The following FAXDC2 variants were observed in gnomAD, a reference collection of about 807,000 sequenced individuals.
The protein encoded by FAXDC2 is fatty acid hydroxylase domain containing 2.
In FAXDC2, 41 loss-of-function variants were observed where a neutral mutation model predicts 40.9. The ratio of observed to expected loss-of-function variants is 1.00; its 90% CI spans 0.78 to 1.30. The LOEUF (loss-of-function observed/expected upper bound fraction) is 1.30. FAXDC2 is among the 50% of genes most tolerant of loss of function. FAXDC2 has a pLI of 0.00. For missense variants in FAXDC2, 390 were observed against 408.8 expected (o/e 0.95, Z 0.40); for synonymous variants, 157 against 149.3 (o/e 1.05, Z -0.38).
rs1759848951 is a variant in FAXDC2 at position 154,820,297 on chromosome 5, A to G, written c.*19T>C. On this transcript the variant is annotated 3_prime_UTR_variant, in exon 9 of 9. Transcript: ENST00000326080. ...ATCCCATGGCTGAGGGACAGCCAGG[A>G]TGACACTTAGGCTGTCTCTCACTCC... The G allele has an allele frequency of 6.3e-7, 1 of 1,582,910 alleles. No homozygotes were observed. The highest frequency in any genetic ancestry group is 1.3e-5 in the African/African-American group (1 of 74,212).
At position 154,835,365 on chromosome 5, in the gene FAXDC2, A is replaced by C. The variant is rs565161533; in HGVS notation, c.49-431T>G. ...TCCCCTCCAATCCAATTACATAAAG[A>C]GTCCCTGGGGGTGGGACCTGGGCTC... On this transcript the variant is annotated intron_variant, in intron 2 of 8. Coordinates refer to ENST00000326080, the MANE Select transcript of FAXDC2 (RefSeq NM_032385.5). The C allele has an allele frequency of 2.6e-4, 44 of 170,392 alleles. No homozygotes were observed. The South Asian group carries it at 6.6e-3, about 26-fold the overall frequency. The allele number at this position is 170,392 out of a possible 1,614,324, so 10.6% of individuals were successfully genotyped here. A position where few individuals can be genotyped will look rare whatever the true frequency, so the allele number is the denominator to read the frequency against.
chr5:154,825,830 T>A (rs1760020504), intron 5 of FAXDC2, among the ~76,000 whole-genome samples: 1 of 151,702 alleles, frequency 6.6e-6, no homozygotes, highest in African/African-American at 2.4e-5. Context: ...AAGAGAGTAG[T>A]CAAGAATGAC....
chr5:154,830,068 T>C (rs1481076176), intron 5 of FAXDC2, among the ~76,000 whole-genome samples: 1 of 152,170 alleles, frequency 6.6e-6, no homozygotes, highest in Non-Finnish European at 1.5e-5. Context: ...CCCAGACACC[T>C]GGGCAGATGA....
At chr5:154,847,058 T>C (rs1760617117) in intron 1 of FAXDC2, among the ~76,000 whole-genome samples, 2 of 151,904 alleles carry the variant, frequency 1.3e-5, no homozygotes, top group Non-Finnish European at 2.9e-5. Context: ...CAATCTTCTA[T>C]GCTCAGGTGA....
At chr5:154,834,749 T>C in intron 3 of FAXDC2, 21 bp from the exon 4 acceptor site, 1 of 1,611,582 alleles carries the variant, frequency 6.2e-7, no homozygotes, top group Non-Finnish European at 8.5e-7. Context: ...AAACCAGGTT[T>C]CTGGGTGAAG....
chr5:154,842,455 C>G (rs1213789928), intron 1 of FAXDC2, among the ~76,000 whole-genome samples: 1 of 148,680 alleles, frequency 6.7e-6, no homozygotes, highest in Non-Finnish European at 1.5e-5. Flanking sequence ...CCACCCGCCT[C>G]GACCTCCCAA....
chr5:154,820,518 C>T (rs373661402), intron 8 of FAXDC2, 46 bp from the exon 9 acceptor site: 30 of 1,504,880 alleles, frequency 2.0e-5, no homozygotes, highest in African/African-American at 8.4e-5. Context: ...TGGAGGCTTC[C>T]GTGCAGATCC....
chr5:154,844,196 C>T (rs1296032556), intron 1 of FAXDC2, among the ~76,000 whole-genome samples: 2 of 150,002 alleles, frequency 1.3e-5, no homozygotes, highest in African/African-American at 4.9e-5. Context: ...CCAGCCTAGG[C>T]AACAGAGTGA....
intron 1 of FAXDC2, among the ~76,000 whole-genome samples, chr5:154,847,323 A>G (rs1264438984): frequency 6.6e-6 from 1 of 152,178 alleles, no homozygotes; most frequent in Non-Finnish European, 1.5e-5. Flanking sequence ...TCCCCAATCT[A>G]GATAAATGAC....
chr5:154,835,584 G>GT (rs996305632), intron 2 of FAXDC2, among the ~76,000 whole-genome samples: 12 of 151,940 alleles, frequency 7.9e-5, no homozygotes, highest in East Asian at 3.9e-4. Flanking sequence ...GACTTTTTTT[G>GT]TTTTTTTGTT....
chr5:154,846,689 G>A (rs1561662564), intron 1 of FAXDC2, among the ~76,000 whole-genome samples: 1 of 151,600 alleles, frequency 6.6e-6, no homozygotes, highest in Non-Finnish European at 1.5e-5. Flanking sequence ...CTGGCCGAAG[G>A]TTCTAATATT....
At chr5:154,821,167 G>T (rs929067496) in intron 8 of FAXDC2, 93 bp downstream of exon 8, 3 of 1,076,422 alleles carry the variant, frequency 2.8e-6, no homozygotes, top group East Asian at 4.9e-5. Flanking sequence ...GCACTCACAT[G>T]TAAACTGAGA....
chr5:154,840,536 C>CT (rs994651205), intron 1 of FAXDC2, among the ~76,000 whole-genome samples: 110 of 148,660 alleles, frequency 7.4e-4, no homozygotes, highest in Middle Eastern at 3.5e-3. Context: ...ATTCACATTT[C>CT]TTTTTTTTTT....
intron 5 of FAXDC2, among the ~76,000 whole-genome samples, chr5:154,827,455 GTGTGTA>G: frequency 6.6e-6 from 1 of 151,172 alleles, no homozygotes; most frequent in African/African-American, 2.4e-5. Context: ...GTGTGTGTGT[GTGTGTA>G]TGTCTGTTTT....
rs1308833526 is a variant in FAXDC2 at position 154,820,361 on chromosome 5, G to C, written c.957C>G (p.Thr319=). The C allele has an allele frequency of 1.9e-6, 3 of 1,613,350 alleles. No individual in the cohort carries two copies. Among genetic ancestry groups the C allele is most frequent in the Non-Finnish European group, 1.7e-6 (2 of 1,179,816 alleles). Residue 319 remains threonine (T), a synonymous_variant, in exon 9 of 9, where the codon ACC becomes ACG. Transcript: ENST00000326080. The stretch of plus-strand genomic sequence containing the variant: ...AGTCTGGGATGCTCTCAGAGAGCGG[G>C]GTGAAGCCCAGCAGGAGGACATGTC... ...YERHVLLLGF[T]PLSESIPDSP...
intron 5 of FAXDC2, chr5:154,824,634 A>G: frequency 4.3e-6 from 3 of 697,104 alleles, no homozygotes; most frequent in Middle Eastern, 2.3e-4. Context: ...TATCACATCT[A>G]TCTATTCATT....
chr5:154,838,010 T>G (rs1408019108), intron 2 of FAXDC2, 121 bp downstream of exon 2: 2 of 688,718 alleles, frequency 2.9e-6, no homozygotes, highest in African/African-American at 3.6e-5. Context: ...AATGAAGACA[T>G]TACCATGTGT....
At chr5:154,824,390 C>T in intron 5 of FAXDC2, 1 of 671,574 alleles carries the variant, frequency 1.5e-6, no homozygotes, top group South Asian at 1.6e-5. Flanking sequence ...TCCAAGTTCC[C>T]TCTGTGAGCT....
chr5:154,831,081 G>A, intron 4 of FAXDC2, 159 bp from the exon 5 acceptor site: 1 of 727,308 alleles, frequency 1.4e-6, no homozygotes, highest in South Asian at 2.1e-5. Flanking sequence ...TGTAGTCTTG[G>A]GTAGGAACTT....
Sources: allele counts gnomAD v4.1 joint callset (sites outside exome capture counted in the v4.1 genomes callset), GRCh38; gene constraint gnomAD v4.1.1; transcripts MANE v1.5; gene names NCBI Gene and HGNC (gene_info 2026-07-23, HGNC 2026-07-21).